Variants in DACH1 observed in about 807,000 individuals in gnomAD.
DACH1 encodes the protein dachshund family transcription factor 1.
DACH1 carries 12 observed loss-of-function variants against 54.2 expected under a neutral mutation model. The ratio of observed to expected loss-of-function variants is 0.22; its 90% CI spans 0.14 to 0.36. DACH1 has a LOEUF of 0.36. DACH1 is among the 10% of genes least tolerant of loss of function. The probability of loss-of-function intolerance (pLI) is 1.00; values close to 1 mark genes in which losing one functional copy is unlikely to be tolerated. For synonymous variants in DACH1, 386 were observed against 366.2 expected (o/e 1.05, Z -0.62); for missense variants, 805 against 929.8 (o/e 0.87, Z 1.75).
chr13:71,861,907 C>CAAAA (rs71126514), intron 1 of DACH1, among the ~76,000 whole-genome samples: 33 of 86,394 alleles, frequency 3.8e-4, no homozygotes, highest in South Asian at 2.5e-3. Flanking sequence ...AACTCCTAAC[C>CAAAA]AAAAAAAAAA....
At position 71,621,553 on chromosome 13, in the gene DACH1, C is replaced by T. The variant is rs1257710369; in HGVS notation, c.1126+9003G>A. Among the ~76,000 whole-genome samples, 3 of 151,812 alleles carry T rather than the reference C, an allele frequency of 2.0e-5. No individual in the cohort carries two copies. In the South Asian group the frequency reaches 6.2e-4, roughly 31 times the overall value. ...TAACATATCATTTCCAAGACTAAAACGATGTAAAGAAATAAAAAAGGCTTT... is the reference window on the plus strand; with the variant it reads ...TAACATATCATTTCCAAGACTAAAATGATGTAAAGAAATAAAAAAGGCTTT... On this transcript the variant is annotated intron_variant, in intron 3 of 10. Coordinates refer to ENST00000613252, the MANE Select transcript of DACH1 (RefSeq NM_080759.6).
chr13:71,639,526 C>T (rs984759164), intron 2 of DACH1, among the ~76,000 whole-genome samples: 9 of 151,926 alleles, frequency 5.9e-5, no homozygotes, highest in African/African-American at 2.2e-4. Context: ...CAAAAAAACC[C>T]CACTAATTTG....
rs187034872 is a variant in DACH1 at position 71,846,169 on chromosome 13, G to T, written c.848+19753C>A. ...GAGAACAGCACACTGACTCCTGGCG[G>T]CAAACCAAACAAATCCAGAGTTATC... On this transcript the variant is annotated intron_variant, in intron 1 of 10. Transcript: ENST00000613252. The T allele has an allele frequency of 1.6e-4, 35 of 217,586 alleles. No homozygotes were observed. The Admixed American group carries it at 1.7e-3, about 10-fold the overall frequency. The allele number at this position is 217,586 out of a possible 1,614,324, so 13.5% of individuals were successfully genotyped here.
chr13:71,669,384 G>T (rs1390969186), intron 2 of DACH1, among the ~76,000 whole-genome samples: 1 of 152,164 alleles, frequency 6.6e-6, no homozygotes, highest in Non-Finnish European at 1.5e-5. Flanking sequence ...AACTGCACAT[G>T]CGAGAGATCT....
chr13:71,692,276 C>T (rs1881523708), intron 1 of DACH1, among the ~76,000 whole-genome samples: 1 of 151,726 alleles, frequency 6.6e-6, no homozygotes. Flanking sequence ...TTTTCATTTC[C>T]CCATCCTTAG....
chr13:71,775,239 G>T (rs1439939688), intron 1 of DACH1, among the ~76,000 whole-genome samples: 3 of 147,756 alleles, frequency 2.0e-5, no homozygotes, highest in African/African-American at 7.5e-5. Flanking sequence ...GGAGCTTGAG[G>T]CTATAGTGAG....
chr13:71,836,420 T>TA (rs1236358523), intron 1 of DACH1, among the ~76,000 whole-genome samples: 2 of 152,046 alleles, frequency 1.3e-5, no homozygotes, highest in African/African-American at 2.4e-5. Flanking sequence ...TCACAGACTT[T>TA]AAAAAACGTG....
intron 3 of DACH1, among the ~76,000 whole-genome samples, chr13:71,603,146 T>C (rs1274058687): frequency 1.3e-5 from 2 of 152,010 alleles, no homozygotes; most frequent in East Asian, 3.9e-4. Flanking sequence ...ACCACAATCG[T>C]TGCTTTTTTG....
chr13:71,853,093 C>T (rs1413090272), intron 1 of DACH1, among the ~76,000 whole-genome samples: 1 of 152,176 alleles, frequency 6.6e-6, no homozygotes, highest in Non-Finnish European at 1.5e-5. Context: ...CTCTTTTTAA[C>T]TGCAGCTTAG....
intron 1 of DACH1, among the ~76,000 whole-genome samples, chr13:71,826,074 A>T (rs1888366424): frequency 6.6e-6 from 1 of 152,126 alleles, no homozygotes; most frequent in South Asian, 2.1e-4. Flanking sequence ...TAAAAACTGG[A>T]AATTAAAAAT....
chr13:71,577,599 C>G (rs989855566), intron 3 of DACH1, among the ~76,000 whole-genome samples: 1 of 152,168 alleles, frequency 6.6e-6, no homozygotes, highest in African/African-American at 2.4e-5. Flanking sequence ...GGGTACCTGA[C>G]ACCTTTTGTT....
rs1025632060 is a variant in DACH1 at position 71,808,380 on chromosome 13, A to G, written c.848+57542T>C. On this transcript the variant is annotated intron_variant, in intron 1 of 10. Transcript: ENST00000613252. Reference sequence around the variant, plus strand: ...CCATTTTATGGTCTCCCTTGATCAAATTAAACATCTGTCTGCAGAATTTCT... The same window carrying G: ...CCATTTTATGGTCTCCCTTGATCAAGTTAAACATCTGTCTGCAGAATTTCT... 9.2e-5 allele frequency among the ~76,000 whole-genome samples: 14 copies of G among 152,252 alleles called. No homozygotes were observed. The South Asian group carries it at 1.5e-3, about 16-fold the overall frequency.
At chr13:71,745,488 T>A (rs751902457) in intron 1 of DACH1, among the ~76,000 whole-genome samples, 2 of 152,208 alleles carry the variant, frequency 1.3e-5, no homozygotes, top group Non-Finnish European at 2.9e-5. Context: ...CTAATGGATG[T>A]CTAAATTGCA....
intron 1 of DACH1, among the ~76,000 whole-genome samples, chr13:71,764,851 T>C (rs1259051744): frequency 6.6e-6 from 1 of 152,250 alleles, no homozygotes; most frequent in East Asian, 1.9e-4. Flanking sequence ...TCTTGAAATA[T>C]ACGATTGGTC....
At chr13:71,463,304 C>G (rs1189298944) in intron 10 of DACH1, among the ~76,000 whole-genome samples, 1 of 151,794 alleles carries the variant, frequency 6.6e-6, no homozygotes, top group Non-Finnish European at 1.5e-5. Flanking sequence ...TTAGAGAAAA[C>G]GTCTTGAGAA....
In DACH1 at chr13:71,440,493, C is replaced by CTTT. The variant is rs11391038; in HGVS notation, c.*159_*161dup. 1.8e-3 allele frequency: 808 copies of CTTT among 447,458 alleles called. No individual in the cohort carries two copies. The highest frequency in any genetic ancestry group is 2.9e-3 in the South Asian group (87 of 30,004). 27.7% of individuals were successfully genotyped at this position (447,458 alleles called of 1,614,324 possible). A position where few individuals can be genotyped will look rare whatever the true frequency, so the allele number is the denominator to read the frequency against. On this transcript the variant is annotated 3_prime_UTR_variant, in exon 11 of 11. Coordinates refer to ENST00000613252, the MANE Select transcript of DACH1 (RefSeq NM_080759.6). ...CACAGGTGAAAATCAATGGAGAAAA[C>CTTT]TTTTTTTTTTTTTGTAGAATACTTA...
intron 1 of DACH1, among the ~76,000 whole-genome samples, chr13:71,797,295 T>C (rs1887096426): frequency 1.3e-5 from 2 of 152,052 alleles, no homozygotes; most frequent in Non-Finnish European, 2.9e-5. Context: ...AAAGAAAACG[T>C]GGTACTTGCA....
intron 4 of DACH1, among the ~76,000 whole-genome samples, chr13:71,560,861 T>A (rs1316161272): frequency 6.6e-6 from 1 of 152,198 alleles, no homozygotes; most frequent in Non-Finnish European, 1.5e-5. Flanking sequence ...CAGGCCTTGA[T>A]GAACTGTCTT....
At chr13:71,487,796 G>C (rs1279533245) in intron 7 of DACH1, among the ~76,000 whole-genome samples, 3 of 152,056 alleles carry the variant, frequency 2.0e-5, no homozygotes, top group African/African-American at 7.2e-5. Context: ...GAAATGTTAA[G>C]GGATATTTTC....
Sources: gnomAD v4.1 joint callset for allele counts (sites outside exome capture counted in the v4.1 genomes callset) on GRCh38, gnomAD v4.1.1 for gene constraint, MANE v1.5 for transcripts, NCBI Gene and HGNC (gene_info 2026-07-23, HGNC 2026-07-21) for gene names.